A2ML1: variants seen among roughly 807,000 people sequenced by gnomAD.
A2ML1 encodes alpha-2-macroglobulin-like protein 1.
A neutral mutation model predicts 181.9 loss-of-function variants in A2ML1; 161 were observed. The observed-to-expected ratio is 0.89, with a 90% CI of 0.78 to 1.01. The LOEUF (loss-of-function observed/expected upper bound fraction) is 1.01. A2ML1 is among the 50% of genes least tolerant of loss of function. The pLI, the probability that A2ML1 is intolerant of heterozygous loss-of-function variation, is 0.00. For missense variants in A2ML1, 1,670 were observed against 1,768.1 expected (o/e 0.94, Z 1.00); for synonymous variants, 663 against 666.8 (o/e 0.99, Z 0.09).
intron 4 of A2ML1, among the ~76,000 whole-genome samples, chr12:8,831,449 G>T (rs1943111369): frequency 6.6e-6 from 1 of 152,132 alleles, no homozygotes; most frequent in Non-Finnish European, 1.5e-5. Flanking sequence ...TCTTTCTCTT[G>T]TGAAATTACT....
At chr12:8,854,352 C>A in intron 21 of A2ML1, 103 bp downstream of exon 21, 7 of 1,465,540 alleles carry the variant, frequency 4.8e-6, no homozygotes, top group South Asian at 1.5e-5. Context: ...CCAGTCCAAC[C>A]AGGCAGCTTC....
chr12:8,845,003 C>T (rs1943618376), intron 12 of A2ML1: 4 of 1,413,048 alleles, frequency 2.8e-6, no homozygotes, highest in Non-Finnish European at 1.8e-6. Flanking sequence ...CTAGAGGGTT[C>T]AATGTCAGAA....
At chr12:8,828,163 C>T (rs1041667304) in intron 3 of A2ML1, among the ~76,000 whole-genome samples, 3 of 152,206 alleles carry the variant, frequency 2.0e-5, no homozygotes, top group African/African-American at 7.2e-5. Context: ...GTGACAAAGC[C>T]AGCCAGGCTT....
intron 8 of A2ML1, 29 bp downstream of exon 8, chr12:8,837,595 C>T (rs1432515720): frequency 6.2e-7 from 1 of 1,601,452 alleles, no homozygotes; most frequent in Non-Finnish European, 8.5e-7. Context: ...AAAAAGGAAC[C>T]TATCGGCCAG....
intron 10 of A2ML1, among the ~76,000 whole-genome samples, chr12:8,839,712 G>A (rs1943403526): frequency 6.6e-6 from 1 of 152,082 alleles, no homozygotes; most frequent in Non-Finnish European, 1.5e-5. Context: ...GCCATGTATA[G>A]CTCTGTAAGC....
chr12:8,826,794 T>C (rs1942944285), intron 3 of A2ML1, among the ~76,000 whole-genome samples: 1 of 152,046 alleles, frequency 6.6e-6, no homozygotes, highest in Non-Finnish European at 1.5e-5. Context: ...AATTTTTGTA[T>C]TTTTGGTAGA....
chr12:8,844,291 AG>A (rs1440117699), intron 12 of A2ML1, among the ~76,000 whole-genome samples: 2 of 149,440 alleles, frequency 1.3e-5, no homozygotes, highest in Admixed American at 1.3e-4. Context: ...TATATGAGAC[AG>A]GGTTTCGCCA....
At chr12:8,833,673 G>C (rs1261328220) in intron 4 of A2ML1, among the ~76,000 whole-genome samples, 1 of 152,192 alleles carries the variant, frequency 6.6e-6, no homozygotes, top group Non-Finnish European at 1.5e-5. Flanking sequence ...TGGGATTACA[G>C]GTGTGAGCCA....
chr12:8,833,632 G>T (rs747149511), intron 4 of A2ML1, among the ~76,000 whole-genome samples: 1 of 152,050 alleles, frequency 6.6e-6, no homozygotes, highest in African/African-American at 2.4e-5. Context: ...CTAACCTCAG[G>T]TGATCCAACC....
intron 7 of A2ML1, among the ~76,000 whole-genome samples, chr12:8,884,397 T>C (rs1437507984): frequency 2.0e-5 from 3 of 152,094 alleles, no homozygotes; most frequent in Admixed American, 1.3e-4. Flanking sequence ...CCAATAGTTA[T>C]CTTTTCTGCT....
intron 33 of A2ML1, among the ~76,000 whole-genome samples, chr12:8,870,453 G>C (rs1944583048): frequency 6.6e-6 from 1 of 152,076 alleles, no homozygotes; most frequent in South Asian, 2.1e-4. Flanking sequence ...ATTTTTACTA[G>C]AGACAGGGTT....
intron 33 of A2ML1, among the ~76,000 whole-genome samples, chr12:8,872,607 C>T (rs1248514909): frequency 3.3e-5 from 5 of 151,716 alleles, no homozygotes; most frequent in African/African-American, 9.7e-5. Context: ...TGGTGAAACC[C>T]CATCCATCTC....
chr12:8,870,519 G>A (rs1452583991), intron 33 of A2ML1, among the ~76,000 whole-genome samples: 7 of 152,082 alleles, frequency 4.6e-5, no homozygotes, highest in Non-Finnish European at 1.0e-4. Flanking sequence ...CACCCACCTC[G>A]GCCTCCCAAA....
At chr12:8,843,071 A>G (rs1423024134) in intron 11 of A2ML1, 63 bp from the exon 12 acceptor site, 1 of 1,451,296 alleles carries the variant, frequency 6.9e-7, no homozygotes, top group African/African-American at 1.4e-5. Flanking sequence ...AACCGTAACA[A>G]GTCCGTGGGG....
rs1943787775 is a variant in A2ML1, at chr12:8,848,748, G to A, written c.1862G>A (p.Gly621Asp). The A allele has an allele frequency of 1.2e-6, 2 of 1,612,978 alleles. No individual in the cohort carries two copies. The highest frequency in any genetic ancestry group is 1.7e-6 in the Non-Finnish European group (2 of 1,179,614). ...SVYGMFPFWY[G>D]HYPYQVAEYD... ...TATGGGATGTTTCCATTCTGGTATG[G>A]TCACTACCCCTATCAAGTGGCTGAG... is the stretch of plus-strand genomic sequence containing the variant. The change falls in exon 16 of 36, where the codon GGT becomes GAT. Residue 621 changes from glycine (G) to aspartate (D), a missense_variant. Transcript: ENST00000299698.
intron 10 of A2ML1, among the ~76,000 whole-genome samples, chr12:8,841,005 AGGAAGGAC>A (rs1376535460): frequency 2.5e-5 from 2 of 80,242 alleles, no homozygotes; most frequent in Non-Finnish European, 6.1e-5. Flanking sequence ...GAAGGAAGGA[AGGAAGGAC>A]GGAAGGAAGG....
intron 29 of A2ML1, among the ~76,000 whole-genome samples, chr12:8,865,535 C>T (rs183880041): frequency 3.9e-5 from 6 of 152,246 alleles, no homozygotes; most frequent in Non-Finnish European, 8.8e-5. Context: ...GTTAAAACTC[C>T]GTCTCAACAA....
intron 10 of A2ML1, among the ~76,000 whole-genome samples, chr12:8,839,992 C>G (rs987221490): frequency 6.6e-6 from 1 of 152,146 alleles, no homozygotes; most frequent in Non-Finnish European, 1.5e-5. Flanking sequence ...GGTGATCCGT[C>G]CACCTGGGCC....
chr12:8,824,827 G>A (rs1021653006), intron 3 of A2ML1, among the ~76,000 whole-genome samples: 2 of 152,060 alleles, frequency 1.3e-5, no homozygotes, highest in African/African-American at 4.8e-5. Flanking sequence ...ACAAATAAAT[G>A]AGAACATGGA....
Sources: gnomAD v4.1 joint callset for allele counts (sites outside exome capture counted in the v4.1 genomes callset) on GRCh38, gnomAD v4.1.1 for gene constraint, MANE v1.5 for transcripts, NCBI Gene and HGNC (gene_info 2026-07-23, HGNC 2026-07-21) for gene names.